The following ASB15 variants were observed in gnomAD, a reference collection of about 807,000 sequenced individuals.
ASB15 encodes ankyrin repeat and SOCS box protein 15.
A neutral mutation model predicts 58.0 loss-of-function variants in ASB15; 54 were observed. That is an observed-to-expected ratio of 0.93 (90% CI 0.75 to 1.17). The LOEUF is 1.17. Among genes scored for constraint, ASB15 ranks in the 50% most tolerant of loss-of-function variants. ASB15 has a pLI of 0.00. For synonymous variants in ASB15, 249 were observed against 262.4 expected (o/e 0.95, Z 0.50); for missense variants, 680 against 707.4 (o/e 0.96, Z 0.44).
In ASB15 at chr7:123,638,457, A is replaced by G. The variant is rs1374792968; in HGVS notation, c.*1476A>G. ...TCAAAAAGAGTCATTAAAAAATACC[A>G]TCTACTATCACCATCATTTCATAAA... is the stretch of plus-strand genomic sequence containing the variant. On this transcript the variant is annotated 3_prime_UTR_variant, in exon 12 of 12. Transcript: ENST00000451215. 1 of 152,162 alleles carries G rather than the reference A, an allele frequency of 6.6e-6. No individual in the cohort carries two copies. The highest frequency in any genetic ancestry group is 1.5e-5 in the Non-Finnish European group (1 of 68,018). 9.4% of individuals were successfully genotyped at this position (152,162 alleles called of 1,614,324 possible). A position where few individuals can be genotyped will look rare whatever the true frequency, so the allele number is the denominator to read the frequency against.
chr7:123,594,760 C>T (rs1454403871), intron 1 of ASB15, among the ~76,000 whole-genome samples: 3 of 152,198 alleles, frequency 2.0e-5, no homozygotes, highest in Non-Finnish European at 4.4e-5. Flanking sequence ...CTTAAGGAGG[C>T]AGTCTGTCCA....
chr7:123,572,131 CTTTTTTTTTTTTT>C (rs61198371), intron 1 of ASB15, among the ~76,000 whole-genome samples: 5 of 47,998 alleles, frequency 1.0e-4, no homozygotes, highest in South Asian at 1.1e-3. Flanking sequence ...TGTAGAATTT[CTTTTTTTTTTTTT>C]TTTTTTTTTT....
intron 9 of ASB15, among the ~76,000 whole-genome samples, chr7:123,628,085 G>A (rs151054552): frequency 4.6e-5 from 7 of 152,310 alleles, no homozygotes; most frequent in African/African-American, 7.2e-5. Flanking sequence ...TACATGTCTG[G>A]CTGGTTAGTC....
chr7:123,616,241 A>C lies in ASB15; in HGVS notation c.128A>C (p.Gln43Pro). Reference protein sequence around the residue: ...CPERFVPLSAQNRKLVEAIKQ... With the variant: ...CPERFVPLSAPNRKLVEAIKQ... ...CATAGATTTGTACCCCTAAGTGCTC[A>C]AAACAGAAAACTTGTGGAGGCCATA... is the stretch of plus-strand genomic sequence containing the variant. The change falls in exon 5 of 12, where the codon CAA becomes CCA. Residue 43 changes from glutamine (Q) to proline (P), a missense_variant. Transcript: ENST00000451215. 1 of 1,606,188 alleles carries C rather than the reference A, an allele frequency of 6.2e-7. No individual in the cohort carries two copies. Among genetic ancestry groups the C allele is most frequent in the Non-Finnish European group, 8.5e-7 (1 of 1,172,894 alleles).
chr7:123,616,804 A>ACT (rs10683184), intron 6 of ASB15, among the ~76,000 whole-genome samples: 15,234 of 152,136 alleles, frequency 0.1, 1,022 homozygotes, highest in African/African-American at 0.19. Flanking sequence ...CATATATAAC[A>ACT]CTTTTCTTTT....
Position 123,629,330 on chromosome 7 carries a change from T to G in ASB15, c.1336T>G (p.Phe446Val). The G allele has an allele frequency of 6.2e-7, 1 of 1,614,116 alleles. No individual in the cohort carries two copies. The highest frequency in any genetic ancestry group is 8.5e-7 in the Non-Finnish European group (1 of 1,179,974). ...LNNGYQVEMC[F>V]DCMHGDIFGN... is the part of the protein sequence containing the mutation. ...TAATGGCTATCAAGTGGAGATGTGC[T>G]TTGACTGCATGCATGGTGACATCTT... The change falls in exon 10 of 12, where the codon TTT (phenylalanine) becomes GTT (valine). Residue 446 changes from phenylalanine to valine, a missense_variant. Physicochemically the swap from Phe to Val is conservative, Grantham distance 50. Transcript: ENST00000451215.
chr7:123,571,273 C>T (rs1798900946), intron 1 of ASB15, among the ~76,000 whole-genome samples: 1 of 152,296 alleles, frequency 6.6e-6, no homozygotes, highest in Admixed American at 6.5e-5. Flanking sequence ...GATTATTATT[C>T]AGTATTAAGT....
At chr7:123,627,014 T>C in intron 8 of ASB15, 96 bp from the exon 9 acceptor site, 1 of 1,317,020 alleles carries the variant, frequency 7.6e-7, no homozygotes, top group Non-Finnish European at 1.1e-6. Context: ...ATTACAGGTG[T>C]GAGCCACCAT....
intron 11 of ASB15, among the ~76,000 whole-genome samples, chr7:123,635,418 A>C (rs1026466408): frequency 1.3e-5 from 2 of 152,144 alleles, no homozygotes; most frequent in African/African-American, 2.4e-5. Context: ...ACAGAGAAAA[A>C]TGGTGAGGCT....
At chr7:123,571,195 G>A (rs1798899624) in intron 1 of ASB15, among the ~76,000 whole-genome samples, 1 of 152,196 alleles carries the variant, frequency 6.6e-6, no homozygotes, top group South Asian at 2.1e-4. Context: ...ACATGCTGTG[G>A]TTAGTGGAGG....
At chr7:123,608,266 G>A (rs896949597) in intron 2 of ASB15, among the ~76,000 whole-genome samples, 8 of 151,934 alleles carry the variant, frequency 5.3e-5, no homozygotes, top group Non-Finnish European at 7.4e-5. Flanking sequence ...AAGAGAATTC[G>A]GCAAAAATAT....
At position 123,637,054 on chromosome 7, in the gene ASB15, T is replaced by C; in HGVS notation, c.*73T>C. 17 of 1,035,996 alleles carry C rather than the reference T, an allele frequency of 1.6e-5. No homozygotes were observed. Among genetic ancestry groups the C allele is most frequent in the Non-Finnish European group, 2.4e-5 (17 of 712,634 alleles). 64.2% of individuals were successfully genotyped at this position (1,035,996 alleles called of 1,614,324 possible). On this transcript the variant is annotated 3_prime_UTR_variant, in exon 12 of 12. Coordinates refer to ENST00000451215, the MANE Select transcript of ASB15 (RefSeq NM_001290258.2). ...CCTCAGATAATTTCTTGTAACCATT[T>C]TACATCCTTAATTGTAAAGTGTATT...
chr7:123,585,868 G>A (rs1799363166), intron 1 of ASB15, among the ~76,000 whole-genome samples: 1 of 151,550 alleles, frequency 6.6e-6, no homozygotes, highest in South Asian at 2.1e-4. Context: ...CCTACTATAA[G>A]GTCCTCCAGT....
chr7:123,582,103 G>A (rs535191434), intron 1 of ASB15, among the ~76,000 whole-genome samples: 1 of 152,028 alleles, frequency 6.6e-6, no homozygotes, highest in East Asian at 1.9e-4. Flanking sequence ...GGAAAGGGAG[G>A]AGAAATTGCT....
chr7:123,605,411 C>T (rs895387722), intron 2 of ASB15, among the ~76,000 whole-genome samples: 6 of 152,090 alleles, frequency 3.9e-5, no homozygotes, highest in Non-Finnish European at 5.9e-5. Flanking sequence ...TAACTTAGTT[C>T]GGCCACTGTG....
chr7:123,614,259 G>A, intron 3 of ASB15: 2 of 368,020 alleles, frequency 5.4e-6, no homozygotes, highest in Non-Finnish European at 4.8e-6. Flanking sequence ...AAAGTCAAAA[G>A]TTAGAAAGTG....
In ASB15 at chr7:123,639,125, C is replaced by T. The variant is rs148676838; in HGVS notation, c.*2144C>T. On this transcript the variant is annotated 3_prime_UTR_variant, in exon 12 of 12. Transcript: ENST00000451215. ...TGTATTTTTCTTATATTTATTTTTACCTTGTTACCGTATTCTTTAAACAGT... is the reference window on the plus strand; with the variant it reads ...TGTATTTTTCTTATATTTATTTTTATCTTGTTACCGTATTCTTTAAACAGT... The T allele has an allele frequency of 1.5e-3, 226 of 151,332 alleles. No homozygotes were observed. Among genetic ancestry groups the T allele is most frequent in the African/African-American group, 5.1e-3 (210 of 41,312 alleles). 9.4% of individuals were successfully genotyped at this position (151,332 alleles called of 1,614,324 possible). A position where few individuals can be genotyped will look rare whatever the true frequency, so the allele number is the denominator to read the frequency against.
At chr7:123,589,842 G>C (rs1315533183) in intron 1 of ASB15, among the ~76,000 whole-genome samples, 1 of 152,136 alleles carries the variant, frequency 6.6e-6, no homozygotes, top group African/African-American at 2.4e-5. Flanking sequence ...CCCAGTAATG[G>C]GATCGCTAAG....
intron 3 of ASB15, among the ~76,000 whole-genome samples, chr7:123,611,592 G>C (rs1800468343): frequency 6.6e-6 from 1 of 152,136 alleles, no homozygotes; most frequent in Non-Finnish European, 1.5e-5. Context: ...CACGGTGCCC[G>C]GCCAGTTACT....
Sources: gnomAD v4.1 joint callset for allele counts (sites outside exome capture counted in the v4.1 genomes callset) on GRCh38, gnomAD v4.1.1 for gene constraint, MANE v1.5 for transcripts, NCBI Gene and HGNC (gene_info 2026-07-23, HGNC 2026-07-21) for gene names.